Variants in CCDC88A observed in about 807,000 individuals in gnomAD.
CCDC88A encodes coiled-coil and HOOK domain protein 88A, also known as girdin.
Under a neutral mutation model 234.3 loss-of-function variants are expected in CCDC88A, and 54 were observed. The ratio of observed to expected loss-of-function variants is 0.23; its 90% CI spans 0.19 to 0.29. CCDC88A has a LOEUF of 0.29. Among genes scored for constraint, CCDC88A ranks in the 10% least tolerant of loss-of-function variants. The pLI, the probability that CCDC88A is intolerant of heterozygous loss-of-function variation, is 1.00. For missense variants in CCDC88A, 1,832 were observed against 2,123.4 expected, an observed-to-expected ratio of 0.86 and a Z score of 2.70; for synonymous variants, 753 against 737.8, an observed-to-expected ratio of 1.02 and a Z score of -0.33.
chr2:55,295,650 A>G lies in CCDC88A; in HGVS notation c.5498T>C (p.Ile1833Thr). 1 of 1,614,216 alleles carries G rather than the reference A, an allele frequency of 6.2e-7. No individual in the cohort carries two copies. Among genetic ancestry groups the G allele is most frequent in the South Asian group, 1.1e-5 (1 of 91,086 alleles). Residue 1833 changes from isoleucine (I) to threonine (T), a missense_variant, in exon 31 of 33, where the codon ATA becomes ACA. By Grantham distance (89) the Ile-to-Thr change is moderately conservative (BLOSUM62 -1). Transcript: ENST00000436346. ...AGCAGCTGGTGGTGAATCAACTGATATAGGCAGTCTACTGTCCTTGGTCAA... is the reference window on the plus strand; with the variant it reads ...AGCAGCTGGTGGTGAATCAACTGATGTAGGCAGTCTACTGTCCTTGGTCAA... ...DFLTKDSRLP[I>T]SVDSPPAAAD...
chr2:55,312,771 A>C (rs1454653258), intron 22 of CCDC88A, 192 bp from the exon 23 acceptor site: 10 of 408,816 alleles, frequency 2.4e-5, no homozygotes, highest in East Asian at 1.8e-4. Flanking sequence ...CTCTCTCTCT[A>C]TATAAATATT....
At chr2:55,377,354 C>T (rs1484110331) in intron 3 of CCDC88A, among the ~76,000 whole-genome samples, 13 of 151,412 alleles carry the variant, frequency 8.6e-5, no homozygotes, top group African/African-American at 2.2e-4. Context: ...GACAAGGTCT[C>T]GCTATGTTGC....
At chr2:55,405,562 C>T (rs1679402934) in intron 2 of CCDC88A, 1 of 152,272 alleles carries the variant, frequency 6.6e-6, no homozygotes, top group Non-Finnish European at 1.5e-5. Context: ...GGTCCCCAAC[C>T]CCTGGGCCGA....
intron 5 of CCDC88A, among the ~76,000 whole-genome samples, chr2:55,365,784 C>CT (rs1671857512): frequency 6.6e-6 from 1 of 152,086 alleles, no homozygotes; most frequent in African/African-American, 2.4e-5. Flanking sequence ...AAGAGAAAGA[C>CT]TGTCAAGATG....
intron 17 of CCDC88A, among the ~76,000 whole-genome samples, chr2:55,327,527 A>C (rs1684420656): frequency 6.6e-6 from 1 of 152,210 alleles, no homozygotes. Flanking sequence ...CTACGTGAAG[A>C]GGATGGACTG....
Position 55,295,683 on chromosome 2 carries a change from T to C in CCDC88A, c.5465A>G (p.His1822Arg). The change falls in exon 31 of 33, where the codon CAT (histidine) becomes CGT (arginine). Residue 1822 changes from histidine to arginine, a missense_variant. Transcript: ENST00000436346. ...TCTACTGTCCTTGGTCAAAAAATCA[T>C]GGATGCTTGTCCTTCGTGTAGTTCC... Reference protein sequence around the residue: ...AEGTTRRTSIHDFLTKDSRLP... With the variant: ...AEGTTRRTSIRDFLTKDSRLP... The C allele has an allele frequency of 1.2e-6, 2 of 1,614,234 alleles. No individual in the cohort carries two copies. Among genetic ancestry groups the C allele is most frequent in the Non-Finnish European group, 1.7e-6 (2 of 1,180,040 alleles).
chr2:55,307,107 G>C (rs6759310), intron 25 of CCDC88A, among the ~76,000 whole-genome samples: 5,441 of 152,060 alleles, frequency 0.036, 167 homozygotes, highest in African/African-American at 0.078. Flanking sequence ...AGTGTGAGAG[G>C]ATTCAAAGTA....
chr2:55,363,554 T>A (rs1328376612), intron 6 of CCDC88A: 1 of 154,330 alleles, frequency 6.5e-6, no homozygotes, highest in Non-Finnish European at 1.4e-5. Flanking sequence ...TAATAAAAAT[T>A]ATGCATCTAT....
At chr2:55,347,112 T>A (rs1574215281) in intron 9 of CCDC88A, among the ~76,000 whole-genome samples, 1 of 152,184 alleles carries the variant, frequency 6.6e-6, no homozygotes, top group Non-Finnish European at 1.5e-5. Context: ...TGTATAGAAG[T>A]AAAGTTTCTA....
chr2:55,332,817 A>G lies in CCDC88A; in HGVS notation c.2728-124T>C. The G allele has an allele frequency of 1.3e-6, 1 of 798,706 alleles. No homozygotes were observed. The allele number at this position is 798,706 out of a possible 1,614,324, so 49.5% of individuals were successfully genotyped here. On this transcript the variant is annotated intron_variant, in intron 15 of 32. Transcript: ENST00000436346. This position sits in a 1 kb window ranked among gnomAD's most constrained non-coding sequence, Gnocchi z 4.5. Reference sequence around the variant, plus strand: ...GTAATTTGAACCAGGAAATGTCATTAAACCATTCCTTCATTATTAAAATGT... The same window carrying G: ...GTAATTTGAACCAGGAAATGTCATTGAACCATTCCTTCATTATTAAAATGT...
At chr2:55,336,417 C>T (rs928548526) in intron 14 of CCDC88A, among the ~76,000 whole-genome samples, 16 of 151,996 alleles carry the variant, frequency 1.1e-4, no homozygotes, top group Admixed American at 2.6e-4. Flanking sequence ...ATTCCACAGA[C>T]ACTTGAAAGC....
rs1337645759 is a variant in CCDC88A at position 55,296,726 on chromosome 2, A to T, written c.4826-203T>A. 21 of 585,522 alleles carry T rather than the reference A, an allele frequency of 3.6e-5. No homozygotes were observed. In the South Asian group the frequency reaches 4.1e-4, roughly 12 times the overall value. The allele number at this position is 585,522 out of a possible 1,614,324, so 36.3% of individuals were successfully genotyped here. On this transcript the variant is annotated intron_variant, in intron 29 of 32. Transcript: ENST00000436346. ...CATAGCCTGCTTCCTTATTTTGTCA[A>T]ACTGACAACTATTGTAAGCTCCATA...
chr2:55,386,079 C>T (rs533807090), intron 3 of CCDC88A, among the ~76,000 whole-genome samples: 3 of 151,464 alleles, frequency 2.0e-5, no homozygotes, highest in African/African-American at 2.4e-5. Flanking sequence ...AAAAATGAGC[C>T]GGGCGTGGTG....
At chr2:55,330,234 A>T (rs577664423) in intron 16 of CCDC88A, 1 of 152,132 alleles carries the variant, frequency 6.6e-6, no homozygotes, top group East Asian at 1.9e-4. Context: ...ACGGTGGCTC[A>T]TGTCTGTAAT....
chr2:55,410,452 T>C (rs1473689665), intron 2 of CCDC88A, among the ~76,000 whole-genome samples: 2 of 152,246 alleles, frequency 1.3e-5, no homozygotes, highest in Non-Finnish European at 2.9e-5. Context: ...GATAATGATT[T>C]GTTGGCCTGG....
chr2:55,383,950 G>C (rs1040450829), intron 3 of CCDC88A, among the ~76,000 whole-genome samples: 1 of 152,074 alleles, frequency 6.6e-6, no homozygotes. Context: ...TGGTTGGTGC[G>C]AAAGTAATTG....
In CCDC88A at chr2:55,290,622, C is replaced by G. The variant is rs1679381027; in HGVS notation, c.*578G>C. 1 of 152,092 alleles carries G rather than the reference C, an allele frequency of 6.6e-6. No homozygotes were observed. The highest frequency in any genetic ancestry group is 2.4e-5 in the African/African-American group (1 of 41,350). 9.4% of individuals were successfully genotyped at this position (152,092 alleles called of 1,614,324 possible). A position where few individuals can be genotyped will look rare whatever the true frequency, so the allele number is the denominator to read the frequency against. ...ATTTCTTTTGCATCAAAATAATTGG[C>G]TTTAAGAAAAAAAAAGTATCAACAC... On this transcript the variant is annotated 3_prime_UTR_variant, in exon 33 of 33. Coordinates refer to ENST00000436346, the MANE Select transcript of CCDC88A (RefSeq NM_001365480.1).
chr2:55,384,590 C>CATATATACGTATGTATGTGTATATAT (rs70954111), intron 3 of CCDC88A, among the ~76,000 whole-genome samples: 14 of 1,954 alleles, frequency 7.2e-3, no homozygotes, highest in Admixed American at 0.024. Context: ...TGTATATATA[C>CATATATACGTATGTATGTGTATATAT]ACATATATAC....
At chr2:55,329,151 G>C (rs1467008402) in intron 16 of CCDC88A, 1 of 152,174 alleles carries the variant, frequency 6.6e-6, no homozygotes, top group Non-Finnish European at 1.5e-5. Context: ...TCGTGACAGA[G>C]TGGCAAGAGG....
Sources: allele counts gnomAD v4.1 joint callset (sites outside exome capture counted in the v4.1 genomes callset), GRCh38; gene constraint gnomAD v4.1.1; non-coding constraint Gnocchi (gnomAD v3.1); transcripts MANE v1.5; gene names NCBI Gene and HGNC (gene_info 2026-07-23, HGNC 2026-07-21).